FKBP8: variants seen among roughly 807,000 people sequenced by gnomAD.
The protein encoded by FKBP8 is peptidyl-prolyl cis-trans isomerase FKBP8.
In FKBP8, 5 loss-of-function variants were observed where a neutral mutation model predicts 41.7. The ratio of observed to expected loss-of-function variants is 0.12; its 90% confidence interval spans 0.06 to 0.25. The LOEUF is 0.25. Among genes scored for constraint, FKBP8 ranks in the 10% least tolerant of loss-of-function variants. FKBP8 has a pLI of 1.00. For missense variants in FKBP8, 397 were observed against 563.0 expected, an observed-to-expected ratio of 0.71 and a Z score of 2.98; for synonymous variants, 279 against 254.5, an observed-to-expected ratio of 1.10 and a Z score of -0.92.
Position 18,537,576 on chromosome 19 carries a change from G to A in FKBP8, c.945+25C>T, listed in dbSNP as rs748380972. On this transcript the variant is annotated intron_variant, in intron 6 of 8. Transcript: ENST00000608443. This position sits in a 1 kb window ranked among gnomAD's most constrained non-coding sequence, Gnocchi z 4.4. ...CCGTATACCCCAGGCTGAGTGACCC[G>A]GCCTGGCACCCCGGTGTGGCCTACC... 8.3e-6 allele frequency: 13 copies of A among 1,561,154 alleles called. No individual in the cohort carries two copies. Among genetic ancestry groups the A allele is most frequent in the South Asian group, 1.2e-5 (1 of 85,116 alleles).
chr19:18,543,053 G>T, intron 1 of FKBP8: 1 of 344,410 alleles, frequency 2.9e-6, no homozygotes, highest in Non-Finnish European at 5.2e-6. Context: ...CCGTCTCGCC[G>T]TAAACACTCC....
At chr19:18,532,339 A>G in intron 8 of FKBP8, 84 bp from the exon 9 acceptor site, 1 of 1,272,988 alleles carries the variant, frequency 7.9e-7, no homozygotes, top group South Asian at 1.3e-5. Flanking sequence ...CAGCCCAAAC[A>G]GACCTCCCAA....
rs1439557358 is a variant in FKBP8, at chr19:18,532,258, G to A, written c.1156-3C>T. 2.5e-6 allele frequency: 4 copies of A among 1,601,618 alleles called. No homozygotes were observed. Among genetic ancestry groups the A allele is most frequent in the Admixed American group, 1.7e-5 (1 of 57,596 alleles). On this transcript the variant is annotated splice_polypyrimidine_tract_variant and splice_region_variant and intron_variant, in intron 8 of 8. Transcript: ENST00000608443. ...AACAGCCACTTCCATGGGATGGACT[G>A]TGGATAAAAAGGAGGGGAGAGAAGG...
intron 4 of FKBP8, among the ~76,000 whole-genome samples, chr19:18,539,162 T>C (rs1976646056): frequency 6.6e-6 from 1 of 152,144 alleles, no homozygotes; most frequent in Admixed American, 6.5e-5. Context: ...GCGGTCTATA[T>C]TGCTTAGGCT....
intron 7 of FKBP8, 162 bp downstream of exon 7, chr19:18,533,108 T>A (rs1976486507): frequency 4.2e-6 from 3 of 714,356 alleles, no homozygotes; most frequent in Non-Finnish European, 6.7e-6. Flanking sequence ...TGTGTGGCCG[T>A]CATGAGGGTC....
chr19:18,535,300 A>T (rs1568409612), intron 6 of FKBP8, among the ~76,000 whole-genome samples: 1 of 151,876 alleles, frequency 6.6e-6, no homozygotes, highest in Non-Finnish European at 1.5e-5. Context: ...GGCTCAAATG[A>T]TCCTCCTACC....
In FKBP8 at chr19:18,532,065, G is replaced by C. The variant is rs1003418015; in HGVS notation, c.*104C>G. On this transcript the variant is annotated 3_prime_UTR_variant, in exon 9 of 9. Coordinates refer to ENST00000608443, the MANE Select transcript of FKBP8 (RefSeq NM_012181.5). ...CAATCCTTGCTCCCCTAACCCGGAGGAGGGGGCCAGACCAGGGAGGGCAGT... is the reference window on the plus strand; with the variant it reads ...CAATCCTTGCTCCCCTAACCCGGAGCAGGGGGCCAGACCAGGGAGGGCAGT... The C allele has an allele frequency of 9.8e-7, 1 of 1,016,534 alleles. No homozygotes were observed. Among genetic ancestry groups the C allele is most frequent in the African/African-American group, 1.6e-5 (1 of 62,692 alleles). 63.0% of individuals were successfully genotyped at this position (1,016,534 alleles called of 1,614,324 possible).
At position 18,534,469 on chromosome 19, in the gene FKBP8, C is replaced by A. The variant is rs545732147; in HGVS notation, c.946-1122G>T. 2.0e-5 allele frequency among the ~76,000 whole-genome samples: 3 copies of A among 152,316 alleles called. No homozygotes were observed. The South Asian group carries it at 6.2e-4, about 32-fold the overall frequency. On this transcript the variant is annotated intron_variant, in intron 6 of 8. Coordinates refer to ENST00000608443, the MANE Select transcript of FKBP8 (RefSeq NM_012181.5). ...CTTAGCTTGGCATTGGTCCCCGCAA[C>A]ATGCTCCTCCTTCCTGTCTCAGCTG...
In FKBP8 at chr19:18,537,867, G is replaced by C. The variant is rs1361043789; in HGVS notation, c.773-94C>G. The C allele has an allele frequency of 3.5e-5, 49 of 1,381,810 alleles. No individual in the cohort carries two copies. The Admixed American group carries it at 1.1e-3, about 30-fold the overall frequency. 85.6% of individuals were successfully genotyped at this position (1,381,810 alleles called of 1,614,324 possible). Reference sequence around the variant, plus strand: ...TGCGGAGGCTGCCTCTCTGGCCTCAGTTTCCCCAATTTTAACCCCGGACCA... The same window carrying C: ...TGCGGAGGCTGCCTCTCTGGCCTCACTTTCCCCAATTTTAACCCCGGACCA... On this transcript the variant is annotated intron_variant, in intron 5 of 8. Coordinates refer to ENST00000608443, the MANE Select transcript of FKBP8 (RefSeq NM_012181.5). This position sits in a 1 kb window ranked among gnomAD's most constrained non-coding sequence, Gnocchi z 4.4.
chr19:18,535,775 G>C (rs936032185), intron 6 of FKBP8, among the ~76,000 whole-genome samples: 1 of 151,356 alleles, frequency 6.6e-6, no homozygotes, highest in Non-Finnish European at 1.5e-5. Context: ...TAACTTTCCA[G>C]GGGGGAGGGG....
In FKBP8 at chr19:18,537,380, A is replaced by G. The variant is rs1387735206; in HGVS notation, c.945+221T>C. Among the ~76,000 whole-genome samples, 3 of 152,058 alleles carry G rather than the reference A, an allele frequency of 2.0e-5. No homozygotes were observed. Among genetic ancestry groups the G allele is most frequent in the Non-Finnish European group, 2.9e-5 (2 of 67,982 alleles). On this transcript the variant is annotated intron_variant, in intron 6 of 8. Coordinates refer to ENST00000608443, the MANE Select transcript of FKBP8 (RefSeq NM_012181.5). The surrounding 1 kb of genome is among the most constrained non-coding windows in gnomAD (Gnocchi z 4.4). Reference sequence around the variant, plus strand: ...CAAACAAACAAAAAACACTGGGCCAAAGGTTGGGGACCCAAGACTCGAGGA... The same window carrying G: ...CAAACAAACAAAAAACACTGGGCCAGAGGTTGGGGACCCAAGACTCGAGGA...
At chr19:18,542,809 C>G (rs1976736784) in intron 1 of FKBP8, 4 of 967,418 alleles carry the variant, frequency 4.1e-6, no homozygotes, top group Non-Finnish European at 5.7e-6. Context: ...ACCAACCCCT[C>G]CGTCCCCCAG....
At chr19:18,532,360 CCTGA>C (rs771093078) in intron 8 of FKBP8, 105 bp from the exon 9 acceptor site, 9 of 1,149,278 alleles carry the variant, frequency 7.8e-6, no homozygotes, top group African/African-American at 7.7e-5. Context: ...CAAATCATTG[CCTGA>C]CTATGTATTT....
At position 18,538,764 on chromosome 19, in the gene FKBP8, G is replaced by C; in HGVS notation, c.552-328C>G. ...GTGGGCTCAAGTGATCCTCCTGCCT[G>C]AGCCTCCTCAGTAGCTGGGACTACA... On this transcript the variant is annotated intron_variant, in intron 4 of 8. Coordinates refer to ENST00000608443, the MANE Select transcript of FKBP8 (RefSeq NM_012181.5). The surrounding 1 kb of genome is among the most constrained non-coding windows in gnomAD (Gnocchi z 4.0). Among the ~76,000 whole-genome samples the C allele has an allele frequency of 6.7e-6, 1 of 149,602 alleles. No homozygotes were observed. The highest frequency in any genetic ancestry group is 2.1e-4 in the South Asian group (1 of 4,750).
chr19:18,533,957 C>T (rs1483448727), intron 6 of FKBP8, among the ~76,000 whole-genome samples: 10 of 140,436 alleles, frequency 7.1e-5, no homozygotes, highest in African/African-American at 1.9e-4. Flanking sequence ...TGCAGTGAGC[C>T]GAGATCGTGC....
At chr19:18,540,827 G>A (rs1410385091) in intron 2 of FKBP8, among the ~76,000 whole-genome samples, 1 of 150,238 alleles carries the variant, frequency 6.7e-6, no homozygotes, top group Non-Finnish European at 1.5e-5. Context: ...AACTGAGATC[G>A]CACCACTGCA....
Position 18,538,559 on chromosome 19 carries a change from A to G in FKBP8, c.552-123T>C. Reference sequence around the variant, plus strand: ...ATCTGTCTCCCCTCTGCCCTCCATCATTCCCTCCTCAGTAAAGTGCAGGGG... The same window carrying G: ...ATCTGTCTCCCCTCTGCCCTCCATCGTTCCCTCCTCAGTAAAGTGCAGGGG... On this transcript the variant is annotated intron_variant, in intron 4 of 8. Transcript: ENST00000608443. The surrounding 1 kb of genome is among the most constrained non-coding windows in gnomAD (Gnocchi z 4.0). The G allele has an allele frequency of 1.3e-6, 1 of 774,034 alleles. No homozygotes were observed. The highest frequency in any genetic ancestry group is 2.0e-6 in the Non-Finnish European group (1 of 493,808). The allele number at this position is 774,034 out of a possible 1,614,324, so 47.9% of individuals were successfully genotyped here.
At chr19:18,536,854 T>C (rs6512273) in intron 6 of FKBP8, among the ~76,000 whole-genome samples, 7,799 of 152,122 alleles carry the variant, frequency 0.051, 665 homozygotes, top group African/African-American at 0.18. Flanking sequence ...GGCCCTGAGG[T>C]GGAGAGAGCC....
intron 6 of FKBP8, among the ~76,000 whole-genome samples, chr19:18,534,797 A>G (rs1976533421): frequency 1.3e-5 from 2 of 150,460 alleles, no homozygotes; most frequent in Non-Finnish European, 2.9e-5. Context: ...TATTGTTATT[A>G]TTATTATTTT....
Sources: gnomAD v4.1 joint callset for allele counts (sites outside exome capture counted in the v4.1 genomes callset) on GRCh38, gnomAD v4.1.1 for gene constraint, Gnocchi (gnomAD v3.1) non-coding constraint, MANE v1.5 for transcripts, NCBI Gene and HGNC (gene_info 2026-07-23, HGNC 2026-07-21) for gene names.